The following NACC2 variants were observed in gnomAD, a reference collection of about 807,000 sequenced individuals.
NACC2 encodes the protein NACC family member 2, also known as nucleus accumbens-associated protein 2.
In NACC2, 8 loss-of-function variants were observed where a neutral mutation model predicts 25.1. The observed-to-expected ratio is 0.32, with a 90% CI of 0.19 to 0.57. The LOEUF (loss-of-function observed/expected upper bound fraction) is 0.57, where lower values mean the gene tolerates loss of function less well. Ranked by LOEUF, NACC2 falls within the 20% of genes least tolerant of loss-of-function variation. The pLI is 0.89. For missense variants in NACC2, 644 were observed against 650.2 expected (o/e 0.99, Z 0.10); for synonymous variants, 435 against 294.7 (o/e 1.48, Z -4.88).
At chr9:136,083,303 G>T (rs1242559914) in intron 1 of NACC2, among the ~76,000 whole-genome samples, 1 of 152,160 alleles carries the variant, frequency 6.6e-6, no homozygotes, top group Non-Finnish European at 1.5e-5. Context: ...GCACGCGGAG[G>T]TCATCTCCTT....
intron 1 of NACC2, among the ~76,000 whole-genome samples, chr9:136,062,012 C>CAG (rs1841017274): frequency 6.6e-6 from 1 of 151,984 alleles, no homozygotes; most frequent in African/African-American, 2.4e-5. Context: ...CCCAGCTACT[C>CAG]AGGAGGCTGA....
intron 1 of NACC2, among the ~76,000 whole-genome samples, chr9:136,093,963 C>A (rs538576297): frequency 4.1e-4 from 62 of 152,162 alleles, no homozygotes; most frequent in African/African-American, 1.3e-3. Flanking sequence ...GCCTGCCAGA[C>A]GAAAAGAGGG....
In NACC2 at chr9:136,055,312, A is replaced by C; in HGVS notation, c.-59-4732T>G. ...GTCCCGGCAGGATTCACACAAGGAC[A>C]CAGGTTACAAGGTTGGTGCCAGGCC... On this transcript the variant is annotated intron_variant, in intron 1 of 5. Transcript: ENST00000277554. This position sits in a 1 kb window ranked among gnomAD's most constrained non-coding sequence, Gnocchi z 4.9. 6.6e-6 allele frequency among the ~76,000 whole-genome samples: 1 copy of C among 152,152 alleles called. No homozygotes were observed. Among genetic ancestry groups the C allele is most frequent in the East Asian group, 1.9e-4 (1 of 5,178 alleles).
intron 1 of NACC2, among the ~76,000 whole-genome samples, chr9:136,076,440 G>A (rs1830263471): frequency 6.6e-6 from 1 of 152,134 alleles, no homozygotes; most frequent in South Asian, 2.1e-4. Flanking sequence ...AAGCCACCAG[G>A]CACACACAGA....
chr9:136,061,679 T>G (rs1841012586), intron 1 of NACC2, among the ~76,000 whole-genome samples: 1 of 152,128 alleles, frequency 6.6e-6, no homozygotes, highest in African/African-American at 2.4e-5. Context: ...AACATCCTCC[T>G]GGTCAGAAAG....
intron 1 of NACC2, among the ~76,000 whole-genome samples, chr9:136,075,615 T>C (rs945475143): frequency 6.6e-6 from 1 of 152,206 alleles, no homozygotes. Flanking sequence ...GGGTCGCAGG[T>C]CCTGCGGGAG....
rs752924990 is a variant in NACC2, at chr9:136,011,762, G to C, written c.1518C>G (p.Ile506Met). The change falls in exon 6 of 6, where the codon ATC (isoleucine) becomes ATG (methionine). Residue 506 changes from isoleucine to methionine, a missense_variant. By Grantham distance (10) the Ile-to-Met change is conservative. Coordinates refer to ENST00000277554, the MANE Select transcript of NACC2 (RefSeq NM_144653.5). ...TCACGGCGTCAGTTCTCAGAGCCAC[G>C]ATGGTGGCGGCGTCGCCCCGCCGCT... ...YAERRGDAAT[I>M]VALRTDAVNV... is the part of the protein sequence containing the mutation. 384 of 1,539,252 alleles carry C rather than the reference G, an allele frequency of 2.5e-4. 2 individuals carry two copies. Among genetic ancestry groups the C allele is most frequent in the Middle Eastern group, 5.2e-4 (3 of 5,824 alleles).
At chr9:136,087,718 G>T (rs1426650405) in intron 1 of NACC2, among the ~76,000 whole-genome samples, 2 of 152,220 alleles carry the variant, frequency 1.3e-5, no homozygotes, top group African/African-American at 4.8e-5. Flanking sequence ...CAGCACGGGG[G>T]GAAATGAGGC....
At chr9:136,066,887 G>C (rs551653849) in intron 1 of NACC2, among the ~76,000 whole-genome samples, 4 of 151,756 alleles carry the variant, frequency 2.6e-5, no homozygotes, top group African/African-American at 7.3e-5. Flanking sequence ...GGTCACAAGA[G>C]GGCACATATT....
At position 136,055,062 on chromosome 9, in the gene NACC2, A is replaced by G. The variant is rs1840903410; in HGVS notation, c.-59-4482T>C. 6.6e-6 allele frequency among the ~76,000 whole-genome samples: 1 copy of G among 152,114 alleles called. No individual in the cohort carries two copies. Among genetic ancestry groups the G allele is most frequent in the East Asian group, 1.9e-4 (1 of 5,158 alleles). ...AAAATACAGGTGGCTGTGGTGTCGG[A>G]GTGGGGGGTCTCTCCTCTGCAGAGC... On this transcript the variant is annotated intron_variant, in intron 1 of 5. Transcript: ENST00000277554. The surrounding 1 kb of genome is among the most constrained non-coding windows in gnomAD (Gnocchi z 4.9).
chr9:136,046,972 C>G (rs1195875532), intron 2 of NACC2, among the ~76,000 whole-genome samples: 1 of 152,322 alleles, frequency 6.6e-6, no homozygotes, highest in African/African-American at 2.4e-5. Flanking sequence ...AACAGGCACA[C>G]GCATTACCAC....
In NACC2 at chr9:136,042,253, G is replaced by T. The variant is rs1051566902; in HGVS notation, c.886+7383C>A. 2.0e-5 allele frequency among the ~76,000 whole-genome samples: 3 copies of T among 152,304 alleles called. No individual in the cohort carries two copies. The South Asian group carries it at 6.2e-4, about 32-fold the overall frequency. ...TCCACCCATCTCGGCCTCCCAAAGT[G>T]CTGGGATTACAGGTGTGAGCCACCT... On this transcript the variant is annotated intron_variant, in intron 2 of 5. Coordinates refer to ENST00000277554, the MANE Select transcript of NACC2 (RefSeq NM_144653.5).
At chr9:136,056,830 G>A (rs997166957) in intron 1 of NACC2, among the ~76,000 whole-genome samples, 17 of 152,222 alleles carry the variant, frequency 1.1e-4, no homozygotes, top group Admixed American at 4.6e-4. Flanking sequence ...CAGAGCCGGC[G>A]GTAACTGCAC....
In NACC2 at chr9:136,022,314, C is replaced by T. The variant is rs140817607; in HGVS notation, c.887-5885G>A. Among the ~76,000 whole-genome samples the T allele has an allele frequency of 1.6e-4, 25 of 152,314 alleles. No individual in the cohort carries two copies. The highest frequency in any genetic ancestry group is 2.6e-4 in the Non-Finnish European group (18 of 68,006). On this transcript the variant is annotated intron_variant, in intron 2 of 5. Transcript: ENST00000277554. The surrounding 1 kb of genome is among the most constrained non-coding windows in gnomAD (Gnocchi z 4.4). ...TGGGCCTCGGGGAGATGACCACACT[C>T]TCCACATGGGGCTGTGTCCCACCCC...
chr9:136,033,648 C>CAA (rs558163152), intron 2 of NACC2, among the ~76,000 whole-genome samples: 12,693 of 70,968 alleles, frequency 0.18, 1,548 homozygotes, highest in Non-Finnish European at 0.24. Flanking sequence ...GACTCTGTCT[C>CAA]AAAAAAAAAA....
intron 3 of NACC2, 48 bp from the exon 4 acceptor site, chr9:136,014,017 G>T: frequency 6.8e-7 from 1 of 1,478,324 alleles, no homozygotes; most frequent in South Asian, 1.2e-5. Context: ...CCGGGCCATA[G>T]GGTCCGAAGA....
intron 1 of NACC2, among the ~76,000 whole-genome samples, chr9:136,057,083 C>T (rs550192703): frequency 1.6e-3 from 246 of 152,324 alleles, no homozygotes; most frequent in African/African-American, 5.6e-3. Context: ...GACGCTCCAT[C>T]CTCGGCAGCA....
chr9:136,036,538 C>CACATAT (rs1240412412), intron 2 of NACC2, among the ~76,000 whole-genome samples: 5 of 152,004 alleles, frequency 3.3e-5, no homozygotes, highest in African/African-American at 9.7e-5. Context: ...TATAAATACA[C>CACATAT]ACATATACAT....
chr9:136,013,159 G>GCCCCCGCCCCCCCCC lies in NACC2; in HGVS notation c.1255+39_1255+40insGGGGGGGGGCGGGGG. On this transcript the variant is annotated intron_variant, in intron 5 of 5. Coordinates refer to ENST00000277554, the MANE Select transcript of NACC2 (RefSeq NM_144653.5). This position sits in a 1 kb window ranked among gnomAD's most constrained non-coding sequence, Gnocchi z 6.6. ...CTCCTCAGGCTGGGATCTGAACCCAGCCCCGGCCCCACCCACCCGAGAGAC... is the reference window on the plus strand; with the variant it reads ...CTCCTCAGGCTGGGATCTGAACCCAGCCCCCGCCCCCCCCCCCCCGGCCCCACCCACCCGAGAGAC... The GCCCCCGCCCCCCCCC allele has an allele frequency of 1.3e-6, 1 of 754,888 alleles. No homozygotes were observed. Among genetic ancestry groups the GCCCCCGCCCCCCCCC allele is most frequent in the Non-Finnish European group, 2.3e-6 (1 of 425,912 alleles). The allele number at this position is 754,888 out of a possible 1,614,324, so 46.8% of individuals were successfully genotyped here. A position where few individuals can be genotyped will look rare whatever the true frequency, so the allele number is the denominator to read the frequency against.
Sources: allele counts gnomAD v4.1 joint callset (sites outside exome capture counted in the v4.1 genomes callset), GRCh38; gene constraint gnomAD v4.1.1; non-coding constraint Gnocchi (gnomAD v3.1); transcripts MANE v1.5; gene names NCBI Gene and HGNC (gene_info 2026-07-23, HGNC 2026-07-21).